The following APP variants were observed in gnomAD, a reference collection of about 807,000 sequenced individuals.
APP encodes the protein amyloid-beta precursor protein.
APP carries 31 observed loss-of-function variants against 101.4 expected under a neutral mutation model. The ratio of observed to expected loss-of-function variants is 0.31; its 90% CI spans 0.23 to 0.41. The LOEUF is 0.41. Ranked by LOEUF, APP falls within the 10% of genes least tolerant of loss-of-function variation. The probability of loss-of-function intolerance (pLI) is 1.00; values close to 1 mark genes in which losing one functional copy is unlikely to be tolerated. For synonymous variants in APP, 366 were observed against 364.4 expected (o/e 1.00, Z -0.05); for missense variants, 839 against 1,003.7 (o/e 0.84, Z 2.22).
rs563708546 is a variant in APP at position 25,974,940 on chromosome 21, T to C, written c.1458+130A>G. 226 of 1,380,162 alleles carry C rather than the reference T, an allele frequency of 1.6e-4. 1 individual carries two copies. The East Asian group carries it at 5.3e-3, about 32-fold the overall frequency. 85.5% of individuals were successfully genotyped at this position (1,380,162 alleles called of 1,614,324 possible). ...ACCTTCAAGATGGAATGGACAGGGG[T>C]TGAACCTCTGAATAACAGTGCTCAA... On this transcript the variant is annotated intron_variant, in intron 11 of 17. Transcript: ENST00000346798.
At chr21:26,001,744 C>T (rs955284521) in intron 6 of APP, among the ~76,000 whole-genome samples, 2 of 139,690 alleles carry the variant, frequency 1.4e-5, no homozygotes, top group East Asian at 4.0e-4. Context: ...AGTGATACAC[C>T]TGCCTCAGCC....
chr21:25,969,255 G>A (rs555732508), intron 11 of APP, among the ~76,000 whole-genome samples: 1 of 150,256 alleles, frequency 6.7e-6, no homozygotes, highest in African/African-American at 2.4e-5. Context: ...GGCTGAGGCT[G>A]GAGAATGGTG....
intron 6 of APP, among the ~76,000 whole-genome samples, chr21:26,006,834 TGTAAATAAAGTG>T (rs2043552173): frequency 6.6e-6 from 1 of 152,196 alleles, no homozygotes; most frequent in African/African-American, 2.4e-5. Flanking sequence ...AATAATTCGC[TGTAAATAAAGTG>T]GTAAATAAAG....
Position 25,897,079 on chromosome 21 carries a change from G to A in APP, c.2064+494C>T, listed in dbSNP as rs139455814. ...CCACTTTAAGTCCCGAGTCATGCAC[G>A]AACTTTGCTGCCTTGTAGTCTGAAA... On this transcript the variant is annotated intron_variant, in intron 16 of 17. Coordinates refer to ENST00000346798, the MANE Select transcript of APP (RefSeq NM_000484.4). Among the ~76,000 whole-genome samples, 540 of 152,032 alleles carry A rather than the reference G, an allele frequency of 3.6e-3. 5 individuals carry two copies. Among genetic ancestry groups the A allele is most frequent in the African/African-American group, 9.8e-3 (406 of 41,476 alleles).
intron 1 of APP, among the ~76,000 whole-genome samples, chr21:26,127,200 A>T (rs201263720): frequency 7.4e-5 from 2 of 27,150 alleles, no homozygotes; most frequent in African/African-American, 1.9e-3. Context: ...GCTTTCATTT[A>T]AAAAAAAAAA....
intron 8 of APP, 43 bp downstream of exon 8, chr21:25,997,317 T>G (rs1317495425): frequency 4.4e-6 from 7 of 1,582,836 alleles, no homozygotes; most frequent in East Asian, 2.2e-5. Flanking sequence ...CCAAGCAGCA[T>G]CCTCCTCCCC....
chr21:25,943,819 T>A (rs1368803085), intron 13 of APP, among the ~76,000 whole-genome samples: 2 of 152,224 alleles, frequency 1.3e-5, no homozygotes, highest in East Asian at 3.8e-4. Context: ...CCTAGTGATA[T>A]CTCAGTGGTG....
At chr21:25,902,361 A>T (rs542369201) in intron 15 of APP, among the ~76,000 whole-genome samples, 149 of 152,354 alleles carry the variant, frequency 9.8e-4, no homozygotes, top group African/African-American at 3.5e-3. Context: ...AAGCTATGCT[A>T]CAAAACACGG....
chr21:26,000,233 T>A, intron 6 of APP, 51 bp from the exon 7 acceptor site: 1 of 1,605,246 alleles, frequency 6.2e-7, no homozygotes. Context: ...AGGCACTGTC[T>A]CTCTGTTCAT....
At chr21:25,895,996 G>A (rs1375470009) in intron 16 of APP, among the ~76,000 whole-genome samples, 1 of 152,188 alleles carries the variant, frequency 6.6e-6, no homozygotes, top group African/African-American at 2.4e-5. Context: ...AGGCGTTAGT[G>A]TAATTGTGGG....
At chr21:26,109,658 C>T (rs574204093) in intron 2 of APP, among the ~76,000 whole-genome samples, 1 of 152,084 alleles carries the variant, frequency 6.6e-6, no homozygotes, top group African/African-American at 2.4e-5. Context: ...GTAAAGCTAC[C>T]CAGGCATTAG....
At chr21:26,085,145 G>A (rs916868594) in intron 3 of APP, among the ~76,000 whole-genome samples, 4 of 152,132 alleles carry the variant, frequency 2.6e-5, no homozygotes, top group Non-Finnish European at 5.9e-5. Context: ...CTTTTACTTA[G>A]TATGCTGGTT....
intron 3 of APP, among the ~76,000 whole-genome samples, chr21:26,063,294 A>T (rs2046342558): frequency 6.6e-6 from 1 of 152,232 alleles, no homozygotes; most frequent in African/African-American, 2.4e-5. Flanking sequence ...ATATTTATAG[A>T]TCTGCATAAC....
chr21:26,031,927 G>A (rs905469702), intron 5 of APP, among the ~76,000 whole-genome samples: 2 of 152,206 alleles, frequency 1.3e-5, no homozygotes, highest in Non-Finnish European at 2.9e-5. Flanking sequence ...ATCCTCAGTG[G>A]CAGAATATGC....
intron 2 of APP, among the ~76,000 whole-genome samples, chr21:26,094,425 C>CA (rs2061896274): frequency 6.6e-6 from 1 of 151,270 alleles, no homozygotes; most frequent in African/African-American, 2.4e-5. Context: ...CGAAACAAAA[C>CA]AAAAAAAGAA....
intron 1 of APP, among the ~76,000 whole-genome samples, chr21:26,164,390 GC>G (rs776013074): frequency 1.3e-5 from 2 of 152,232 alleles, no homozygotes; most frequent in Non-Finnish European, 2.9e-5. Flanking sequence ...AAATTCTTTT[GC>G]TGGCATTTGA....
intron 15 of APP, among the ~76,000 whole-genome samples, chr21:25,904,215 T>A (rs1337512079): frequency 6.6e-6 from 1 of 152,232 alleles, no homozygotes; most frequent in Non-Finnish European, 1.5e-5. Flanking sequence ...CTCTTTTTGA[T>A]TCACTGAAAG....
chr21:26,032,803 A>ATAT lies in APP; in HGVS notation c.663-10762_663-10761insATA, dbSNP rs1555851817. ...GGGGCTTATTATTTTAGAAAAAAAA[A>ATAT]AAATATATATATATATATAAAGAGC... On this transcript the variant is annotated intron_variant, in intron 5 of 17. Coordinates refer to ENST00000346798, the MANE Select transcript of APP (RefSeq NM_000484.4). Among the ~76,000 whole-genome samples, 391 of 127,730 alleles carry ATAT rather than the reference A, an allele frequency of 3.1e-3. 2 individuals carry two copies. The highest frequency in any genetic ancestry group is 0.01 in the African/African-American group (360 of 34,424). 83.8% of individuals were successfully genotyped at this position (127,730 alleles called of 152,430 possible). A position where few individuals can be genotyped will look rare whatever the true frequency, so the allele number is the denominator to read the frequency against.
intron 5 of APP, among the ~76,000 whole-genome samples, chr21:26,026,323 C>A (rs567050123): frequency 6.6e-6 from 1 of 152,172 alleles, no homozygotes; most frequent in African/African-American, 2.4e-5. Context: ...TCTGAAAATG[C>A]TGACCATCCC....
Sources: gnomAD v4.1 joint callset for allele counts (sites outside exome capture counted in the v4.1 genomes callset) on GRCh38, gnomAD v4.1.1 for gene constraint, MANE v1.5 for transcripts, NCBI Gene and HGNC (gene_info 2026-07-23, HGNC 2026-07-21) for gene names.